The following STPG2 variants were observed in gnomAD, a reference collection of about 807,000 sequenced individuals.
The protein encoded by STPG2 is sperm tail PG-rich repeat containing 2, also known as sperm-tail PG-rich repeat-containing protein 2.
STPG2 carries 56 observed loss-of-function variants against 54.2 expected under a neutral mutation model. The ratio of observed to expected loss-of-function variants is 1.03; its 90% confidence interval spans 0.83 to 1.29. The LOEUF is 1.29. Among genes scored for constraint, STPG2 ranks in the 50% most tolerant of loss-of-function variants. The pLI is 0.00. For missense variants in STPG2, 596 were observed against 544.9 expected (o/e 1.09, Z -0.93); for synonymous variants, 200 against 181.8 (o/e 1.10, Z -0.81).
intron 8 of STPG2, among the ~76,000 whole-genome samples, chr4:97,868,450 C>T (rs185596768): frequency 2.0e-4 from 30 of 151,858 alleles, no homozygotes; most frequent in East Asian, 1.9e-3. Context: ...TCTTAGCATA[C>T]GGATTCCCAG....
chr4:97,705,842 T>G (rs1040438382), intron 10 of STPG2, among the ~76,000 whole-genome samples: 1 of 151,980 alleles, frequency 6.6e-6, no homozygotes, highest in African/African-American at 2.4e-5. Context: ...AGGATCATAT[T>G]TATAAACTAG....
chr4:97,779,584 C>A (rs965043480), intron 9 of STPG2, among the ~76,000 whole-genome samples: 1 of 152,098 alleles, frequency 6.6e-6, no homozygotes, highest in Non-Finnish European at 1.5e-5. Context: ...CAGAGACCAC[C>A]ACAAAGATAC....
chr4:97,483,867 T>C, intron 4 of STPG2, among the ~76,000 whole-genome samples: 1 of 151,744 alleles, frequency 6.6e-6, no homozygotes, highest in Non-Finnish European at 1.5e-5. Flanking sequence ...TGAAATTATA[T>C]CAAGCACTCT....
chr4:97,790,235 T>A (rs992917922), intron 9 of STPG2, among the ~76,000 whole-genome samples: 1 of 152,162 alleles, frequency 6.6e-6, no homozygotes, highest in Non-Finnish European at 1.5e-5. Flanking sequence ...TTCTATTTAC[T>A]TTGCATGATG....
chr4:98,050,959 C>T (rs1378631803), intron 5 of STPG2, among the ~76,000 whole-genome samples: 2 of 150,930 alleles, frequency 1.3e-5, no homozygotes, highest in East Asian at 1.9e-4. Context: ...GAGCCGAGAT[C>T]GTGCCACTGC....
chr4:97,708,087 T>G (rs1189471970), intron 10 of STPG2, among the ~76,000 whole-genome samples: 1 of 152,098 alleles, frequency 6.6e-6, no homozygotes, highest in Non-Finnish European at 1.5e-5. Context: ...ACATAAAGGG[T>G]ATTCCAAGAT....
chr4:97,736,802 A>T (rs536402869), intron 9 of STPG2, among the ~76,000 whole-genome samples: 2 of 152,326 alleles, frequency 1.3e-5, no homozygotes, highest in Admixed American at 1.3e-4. Flanking sequence ...ACAAAAAGAC[A>T]GCAGTAACCT....
At chr4:97,803,973 TG>T (rs1727476497) in intron 9 of STPG2, among the ~76,000 whole-genome samples, 2 of 152,280 alleles carry the variant, frequency 1.3e-5, no homozygotes, top group Admixed American at 1.3e-4. Flanking sequence ...AGTCACTGGT[TG>T]GGAGGCTGCT....
At chr4:97,950,563 CT>C (rs1238014586) in intron 7 of STPG2, among the ~76,000 whole-genome samples, 1 of 151,968 alleles carries the variant, frequency 6.6e-6, no homozygotes, top group Non-Finnish European at 1.5e-5. Context: ...AGTAATTAAT[CT>C]TTTGAATTCG....
intron 5 of STPG2, among the ~76,000 whole-genome samples, chr4:98,075,885 G>C (rs760422508): frequency 1.1e-4 from 16 of 152,180 alleles, no homozygotes; most frequent in Non-Finnish European, 2.2e-4. Flanking sequence ...TATGAGGTCT[G>C]AAACCCTTGA....
chr4:98,072,193 CGTT>C (rs1156447700), intron 5 of STPG2, among the ~76,000 whole-genome samples: 1 of 151,996 alleles, frequency 6.6e-6, no homozygotes, highest in Non-Finnish European at 1.5e-5. Context: ...ATAAAGAAAA[CGTT>C]GTTACATATA....
intron 8 of STPG2, among the ~76,000 whole-genome samples, chr4:97,880,870 T>C (rs1334009201): frequency 1.3e-5 from 2 of 152,042 alleles, no homozygotes; most frequent in Admixed American, 1.3e-4. Flanking sequence ...TTCAGAAGGA[T>C]GCTGGCATTT....
chr4:98,025,847 A>G, intron 5 of STPG2: 4 of 1,597,388 alleles, frequency 2.5e-6, no homozygotes, highest in African/African-American at 1.3e-5. Context: ...CAGAACTACC[A>G]CTGGCAATAA....
rs374946040 is a variant in STPG2 at position 98,031,968 on chromosome 4, T to C, written c.613-50650A>G. 9.2e-5 allele frequency among the ~76,000 whole-genome samples: 14 copies of C among 152,242 alleles called. No individual in the cohort carries two copies. In the East Asian group the frequency reaches 2.7e-3, roughly 29 times the overall value. The stretch of plus-strand genomic sequence containing the variant: ...ATGGCCAACAAACATGAAAAAATGC[T>C]CAACATCACTAATGATCAGAGAAAT... On this transcript the variant is annotated intron_variant, in intron 5 of 10. Transcript: ENST00000295268.
At chr4:97,905,545 C>A (rs1263460491) in intron 8 of STPG2, among the ~76,000 whole-genome samples, 2 of 151,864 alleles carry the variant, frequency 1.3e-5, no homozygotes, top group African/African-American at 4.8e-5. Context: ...GAAACTGCAT[C>A]AACTAACGAG....
chr4:97,906,273 G>C (rs1438682682), intron 8 of STPG2, among the ~76,000 whole-genome samples: 1 of 152,118 alleles, frequency 6.6e-6, no homozygotes, highest in African/African-American at 2.4e-5. Context: ...TAGAAGAAAT[G>C]GATAAATTCC....
chr4:97,600,705 T>C (rs1389152065), intron 10 of STPG2, among the ~76,000 whole-genome samples: 1 of 152,084 alleles, frequency 6.6e-6, no homozygotes, highest in Admixed American at 6.5e-5. Context: ...AAAATAGCTA[T>C]AGCACAGGCT....
At chr4:97,452,797 A>G (rs1462235292) in intron 4 of STPG2, among the ~76,000 whole-genome samples, 1 of 152,146 alleles carries the variant, frequency 6.6e-6, no homozygotes, top group East Asian at 1.9e-4. Flanking sequence ...GCCTGCAGAG[A>G]GGAACTTCCC....
At chr4:97,870,219 A>T (rs1479272767) in intron 8 of STPG2, among the ~76,000 whole-genome samples, 1 of 151,536 alleles carries the variant, frequency 6.6e-6, no homozygotes, top group Non-Finnish European at 1.5e-5. Context: ...TCTAAGCCAA[A>T]AGGTATGGAC....
Sources: allele counts gnomAD v4.1 joint callset (sites outside exome capture counted in the v4.1 genomes callset), GRCh38; gene constraint gnomAD v4.1.1; transcripts MANE v1.5; gene names NCBI Gene and HGNC (gene_info 2026-07-23, HGNC 2026-07-21).